SLC10A7: variants seen among roughly 807,000 people sequenced by gnomAD.
SLC10A7 encodes the protein sodium/bile acid cotransporter 7.
SLC10A7 carries 29 observed loss-of-function variants against 43.2 expected under a neutral mutation model. The ratio of observed to expected loss-of-function variants is 0.67; its 90% CI spans 0.50 to 0.92. The LOEUF (loss-of-function observed/expected upper bound fraction) is 0.92, where lower values mean the gene tolerates loss of function less well. Among genes scored for constraint, SLC10A7 ranks in the 40% least tolerant of loss-of-function variants. The pLI is 0.00. For missense variants in SLC10A7, 295 were observed against 403.2 expected (o/e 0.73, Z 2.30); for synonymous variants, 152 against 144.8 (o/e 1.05, Z -0.35).
At chr4:146,315,769 T>C (rs1732284195) in intron 6 of SLC10A7, among the ~76,000 whole-genome samples, 1 of 152,060 alleles carries the variant, frequency 6.6e-6, no homozygotes, top group African/African-American at 2.4e-5. Flanking sequence ...ACACAATAGG[T>C]TTCAATAAAA....
chr4:146,489,711 C>T (rs1735225249), intron 4 of SLC10A7, among the ~76,000 whole-genome samples: 1 of 152,012 alleles, frequency 6.6e-6, no homozygotes, highest in African/African-American at 2.4e-5. Context: ...TTTTTCCTTC[C>T]AGAACAGAAA....
At chr4:146,505,927 G>A (rs1736855157) in intron 3 of SLC10A7, among the ~76,000 whole-genome samples, 1 of 152,148 alleles carries the variant, frequency 6.6e-6, no homozygotes, top group African/African-American at 2.4e-5. Flanking sequence ...CTGAAGTGAA[G>A]AAAGAAGATA....
chr4:146,376,097 G>C (rs554670893), intron 5 of SLC10A7, among the ~76,000 whole-genome samples: 1 of 152,276 alleles, frequency 6.6e-6, no homozygotes, highest in Non-Finnish European at 1.5e-5. Flanking sequence ...GATGCATAGA[G>C]TGGTGTGGTA....
intron 10 of SLC10A7, among the ~76,000 whole-genome samples, chr4:146,281,462 C>T (rs1239519749): frequency 6.6e-6 from 1 of 150,424 alleles, no homozygotes; most frequent in East Asian, 2.0e-4. Context: ...GTCAGGTTTG[C>T]AAGCCTGTTG....
intron 2 of SLC10A7, among the ~76,000 whole-genome samples, chr4:146,513,695 G>A (rs562540381): frequency 6.6e-6 from 1 of 152,300 alleles, no homozygotes; most frequent in East Asian, 1.9e-4. Flanking sequence ...TTCTAAGAAA[G>A]AGTTTCAAGA....
chr4:146,298,299 A>G (rs1052398896), intron 7 of SLC10A7, among the ~76,000 whole-genome samples: 7 of 152,208 alleles, frequency 4.6e-5, no homozygotes, highest in Non-Finnish European at 1.0e-4. Flanking sequence ...ATCACTGTTT[A>G]TCAGTACACC....
At position 146,506,689 on chromosome 4, in the gene SLC10A7, G is replaced by C. The variant is rs568851995; in HGVS notation, c.321-2765C>G. 3.9e-5 allele frequency among the ~76,000 whole-genome samples: 6 copies of C among 152,026 alleles called. No individual in the cohort carries two copies. The East Asian group carries it at 1.2e-3, about 29-fold the overall frequency. On this transcript the variant is annotated intron_variant, in intron 3 of 11. Transcript: ENST00000335472. ...TAATATTTTCATGGTTACCATTGTA[G>C]TTCATTCAAATTTAGCTTCTGTGTT...
chr4:146,293,111 C>T (rs1333878048), intron 8 of SLC10A7, 131 bp from the exon 9 acceptor site: 5 of 555,144 alleles, frequency 9.0e-6, no homozygotes, highest in East Asian at 3.2e-5. Flanking sequence ...ACCAAACAAG[C>T]ATGCCTTGCT....
At chr4:146,365,658 A>G (rs2679152) in intron 5 of SLC10A7, among the ~76,000 whole-genome samples, 124,395 of 152,242 alleles carry the variant, frequency 0.82, 51,628 homozygotes, top group African/African-American at 0.95. Flanking sequence ...AAGATAGACA[A>G]GTATGTATTT....
intron 10 of SLC10A7, among the ~76,000 whole-genome samples, chr4:146,278,184 C>T (rs1031313174): frequency 6.6e-6 from 1 of 151,906 alleles, no homozygotes; most frequent in Non-Finnish European, 1.5e-5. Context: ...TTTTTCTATG[C>T]TTTCATTTAT....
chr4:146,401,066 G>C (rs1739190671), intron 5 of SLC10A7, among the ~76,000 whole-genome samples: 1 of 152,204 alleles, frequency 6.6e-6, no homozygotes, highest in Non-Finnish European at 1.5e-5. Flanking sequence ...CCAAGATTCA[G>C]AACAGCTAAA....
At chr4:146,336,504 T>C (rs984672393) in intron 5 of SLC10A7, among the ~76,000 whole-genome samples, 8 of 152,064 alleles carry the variant, frequency 5.3e-5, no homozygotes, top group African/African-American at 1.9e-4. Flanking sequence ...TTTGCAGTGA[T>C]GTTTGCACAT....
chr4:146,385,925 A>C (rs927253554), intron 5 of SLC10A7, among the ~76,000 whole-genome samples: 3 of 152,206 alleles, frequency 2.0e-5, no homozygotes, highest in African/African-American at 4.8e-5. Context: ...TGCAGAAGTC[A>C]TGATTTCTTT....
intron 5 of SLC10A7, among the ~76,000 whole-genome samples, chr4:146,368,022 GT>G (rs1164603056): frequency 1.3e-5 from 2 of 152,104 alleles, no homozygotes; most frequent in Non-Finnish European, 2.9e-5. Context: ...CTTTCCTTAA[GT>G]TTTGGAACAA....
chr4:146,447,818 T>C (rs1731238751), intron 4 of SLC10A7, among the ~76,000 whole-genome samples: 1 of 152,146 alleles, frequency 6.6e-6, no homozygotes, highest in South Asian at 2.1e-4. Flanking sequence ...TTATATATTA[T>C]ACAGCATGTC....
intron 4 of SLC10A7, among the ~76,000 whole-genome samples, chr4:146,491,954 A>C (rs769250256): frequency 5.3e-5 from 8 of 152,134 alleles, no homozygotes; most frequent in Non-Finnish European, 1.2e-4. Context: ...GCGGTGGGTC[A>C]CGCCTGTAAT....
chr4:146,346,539 C>T (rs1444996657), intron 5 of SLC10A7, among the ~76,000 whole-genome samples: 1 of 152,086 alleles, frequency 6.6e-6, no homozygotes, highest in African/African-American at 2.4e-5. Flanking sequence ...CCTTAAGTTT[C>T]AGAATTACAT....
chr4:146,370,632 A>G (rs1314393035), intron 5 of SLC10A7, among the ~76,000 whole-genome samples: 1 of 152,172 alleles, frequency 6.6e-6, no homozygotes, highest in Non-Finnish European at 1.5e-5. Flanking sequence ...CATGCAAAAC[A>G]AATACCGGCA....
chr4:146,293,561 T>G (rs1176525305), intron 8 of SLC10A7, among the ~76,000 whole-genome samples: 1 of 152,180 alleles, frequency 6.6e-6, no homozygotes, highest in Non-Finnish European at 1.5e-5. Flanking sequence ...GTATCATATA[T>G]TATACATCCT....
Sources: allele counts gnomAD v4.1 joint callset (sites outside exome capture counted in the v4.1 genomes callset), GRCh38; gene constraint gnomAD v4.1.1; transcripts MANE v1.5; gene names NCBI Gene and HGNC (gene_info 2026-07-23, HGNC 2026-07-21).